Variants in SNX6 observed in about 807,000 individuals in gnomAD.
SNX6 encodes the protein sorting nexin-6.
A neutral mutation model predicts 63.0 loss-of-function variants in SNX6; 34 were observed. That is an observed-to-expected ratio of 0.54 (90% confidence interval 0.41 to 0.72). SNX6 has a LOEUF of 0.72. Ranked by LOEUF, SNX6 falls within the 30% of genes least tolerant of loss-of-function variation. The pLI is 0.00. For missense variants in SNX6, 398 were observed against 471.4 expected (o/e 0.84, Z 1.44); for synonymous variants, 170 against 164.2 (o/e 1.04, Z -0.27).
chr14:34,628,198 G>A (rs1883902253), intron 2 of SNX6, among the ~76,000 whole-genome samples: 1 of 151,876 alleles, frequency 6.6e-6, no homozygotes, highest in African/African-American at 2.4e-5. Context: ...GGTGGCTCAC[G>A]CCTATAATCC....
chr14:34,596,817 C>A (rs1280784872), intron 7 of SNX6, among the ~76,000 whole-genome samples: 1 of 151,698 alleles, frequency 6.6e-6, no homozygotes, highest in East Asian at 2.0e-4. Context: ...TACAGGCACG[C>A]AGGACTACCA....
At chr14:34,597,753 T>C in intron 6 of SNX6, 108 bp from the exon 7 acceptor site, 1 of 634,808 alleles carries the variant, frequency 1.6e-6, no homozygotes, top group South Asian at 2.0e-5. Flanking sequence ...GTTTTTAATC[T>C]TAATAAAGTG....
At chr14:34,627,171 G>A (rs998781388) in intron 2 of SNX6, among the ~76,000 whole-genome samples, 1 of 152,168 alleles carries the variant, frequency 6.6e-6, no homozygotes, top group Non-Finnish European at 1.5e-5. Context: ...TGTTGGCCAG[G>A]CGCGGTGGCT....
At chr14:34,626,090 G>GATGAAATATA (rs1409782792) in intron 2 of SNX6, among the ~76,000 whole-genome samples, 2 of 152,052 alleles carry the variant, frequency 1.3e-5, no homozygotes, top group South Asian at 4.1e-4. Context: ...TTAGAGGGAT[G>GATGAAATATA]ATGAAATATA....
At chr14:34,588,488 C>T (rs920597761) in intron 8 of SNX6, among the ~76,000 whole-genome samples, 6 of 151,908 alleles carry the variant, frequency 3.9e-5, no homozygotes, top group African/African-American at 9.7e-5. Context: ...TGAGCTCAAG[C>T]GATCCACCCA....
chr14:34,595,363 T>C (rs570854380), intron 7 of SNX6, among the ~76,000 whole-genome samples: 2 of 152,152 alleles, frequency 1.3e-5, no homozygotes, highest in South Asian at 4.2e-4. Flanking sequence ...TCTCAAACTC[T>C]TGACCTCAGG....
chr14:34,605,860 G>A lies in SNX6; in HGVS notation c.271-143C>T, dbSNP rs1594737024. On this transcript the variant is annotated intron_variant, in intron 4 of 13. Transcript: ENST00000362031. ...ACCAGGAACACCCAAATTCAGATTGGAGAACTTGACTAGTTGTAGAAATTA... is the reference window on the plus strand; with the variant it reads ...ACCAGGAACACCCAAATTCAGATTGAAGAACTTGACTAGTTGTAGAAATTA... The A allele has an allele frequency of 1.1e-5, 11 of 1,032,090 alleles. No individual in the cohort carries two copies. In the East Asian group the frequency reaches 3.1e-4, roughly 29 times the overall value. 63.9% of individuals were successfully genotyped at this position (1,032,090 alleles called of 1,614,324 possible). A position where few individuals can be genotyped will look rare whatever the true frequency, so the allele number is the denominator to read the frequency against.
rs1023331283 is a variant in SNX6, at chr14:34,591,561, T to C, written c.718+1484A>G. ...GCTGCAGTGAGACGAGATCGTACCA[T>C]TGCACTCCAGCCTGGGCAACAGAGA... is the stretch of plus-strand genomic sequence containing the variant. On this transcript the variant is annotated intron_variant, in intron 8 of 13. Coordinates refer to ENST00000362031, the MANE Select transcript of SNX6 (RefSeq NM_152233.4). Among the ~76,000 whole-genome samples, 8 of 151,876 alleles carry C rather than the reference T, an allele frequency of 5.3e-5. No homozygotes were observed. In the South Asian group the frequency reaches 8.3e-4, roughly 16 times the overall value.
At chr14:34,574,759 T>A (rs945326082) in intron 11 of SNX6, among the ~76,000 whole-genome samples, 1 of 151,996 alleles carries the variant, frequency 6.6e-6, no homozygotes, top group South Asian at 2.1e-4. Context: ...GGTTTCTCCA[T>A]GTTGATCAGG....
At chr14:34,584,884 C>T (rs1882090967) in intron 9 of SNX6, among the ~76,000 whole-genome samples, 1 of 150,262 alleles carries the variant, frequency 6.7e-6, no homozygotes, top group African/African-American at 2.5e-5. Context: ...TGGAATTTTG[C>T]TCTTGTTGCC....
intron 7 of SNX6, among the ~76,000 whole-genome samples, chr14:34,595,680 C>G (rs1882567832): frequency 6.6e-6 from 1 of 152,026 alleles, no homozygotes; most frequent in Admixed American, 6.6e-5. Context: ...GGAAAGCAGC[C>G]ACAGCACATG....
chr14:34,623,282 A>G (rs1052024396), intron 2 of SNX6, among the ~76,000 whole-genome samples: 2 of 152,138 alleles, frequency 1.3e-5, no homozygotes, highest in Non-Finnish European at 2.9e-5. Flanking sequence ...GGGAAAAAAA[A>G]CACTGAAATG....
In SNX6 at chr14:34,563,075, A is replaced by C; in HGVS notation, c.*47T>G. On this transcript the variant is annotated 3_prime_UTR_variant, in exon 14 of 14. Transcript: ENST00000362031. ...TAACATCATTAAGAAAACAAAAATA[A>C]AATTTGAAGGAAGGCAGCCCTTTTT... The C allele has an allele frequency of 1.3e-6, 2 of 1,578,614 alleles. No homozygotes were observed. The highest frequency in any genetic ancestry group is 1.7e-5 in the Admixed American group (1 of 57,290).
At chr14:34,607,734 CCT>C (rs1398083663) in intron 4 of SNX6, among the ~76,000 whole-genome samples, 5 of 152,038 alleles carry the variant, frequency 3.3e-5, no homozygotes, top group Non-Finnish European at 4.4e-5. Flanking sequence ...ATGGTGAAAC[CCT>C]GTCTCTACTA....
At chr14:34,594,557 T>C (rs1221904541) in intron 7 of SNX6, among the ~76,000 whole-genome samples, 1 of 152,026 alleles carries the variant, frequency 6.6e-6, no homozygotes, top group Non-Finnish European at 1.5e-5. Flanking sequence ...TTTTGTCATG[T>C]TGTCATGTTG....
chr14:34,568,937 G>A, intron 11 of SNX6: 1 of 1,333,912 alleles, frequency 7.5e-7, no homozygotes, highest in Non-Finnish European at 1.1e-6. Flanking sequence ...CAGAGGTACA[G>A]GTGCCACGCT....
At chr14:34,564,016 G>T (rs1488245140) in intron 13 of SNX6, among the ~76,000 whole-genome samples, 1 of 152,084 alleles carries the variant, frequency 6.6e-6, no homozygotes, top group East Asian at 1.9e-4. Context: ...TGTGATTACA[G>T]GCGTGAGCCA....
At chr14:34,590,169 C>G (rs1469422204) in intron 8 of SNX6, among the ~76,000 whole-genome samples, 2 of 151,966 alleles carry the variant, frequency 1.3e-5, no homozygotes, top group African/African-American at 4.8e-5. Context: ...TGGCTCATGC[C>G]TGTAATCCCA....
chr14:34,581,399 C>T (rs1881928161), intron 10 of SNX6, among the ~76,000 whole-genome samples, 162 bp downstream of exon 10: 2 of 152,104 alleles, frequency 1.3e-5, no homozygotes, highest in African/African-American at 4.8e-5. Flanking sequence ...TGATCCGCCC[C>T]ACTTGGCCTC....
Sources: allele counts gnomAD v4.1 joint callset (sites outside exome capture counted in the v4.1 genomes callset), GRCh38; gene constraint gnomAD v4.1.1; transcripts MANE v1.5; gene names NCBI Gene and HGNC (gene_info 2026-07-23, HGNC 2026-07-21).